Variants in ANKRD28 observed in about 807,000 individuals in gnomAD.
ANKRD28 encodes serine/threonine-protein phosphatase 6 regulatory ankyrin repeat subunit A.
In ANKRD28, 44 loss-of-function variants were observed where a neutral mutation model predicts 126.5. The ratio of observed to expected loss-of-function variants is 0.35; its 90% CI spans 0.27 to 0.45. The LOEUF is 0.45. Ranked by LOEUF, ANKRD28 falls within the 20% of genes least tolerant of loss-of-function variation. ANKRD28 has a pLI of 1.00. For missense variants in ANKRD28, 1,110 were observed against 1,316.6 expected (o/e 0.84, Z 2.43); for synonymous variants, 442 against 468.5 (o/e 0.94, Z 0.73).
rs1017443625 is a variant in ANKRD28, at chr3:15,853,462, A to G, written c.27+5915T>C. Among the ~76,000 whole-genome samples, 1 of 151,816 alleles carries G rather than the reference A, an allele frequency of 6.6e-6. No individual in the cohort carries two copies. Among genetic ancestry groups the G allele is most frequent in the African/African-American group, 2.4e-5 (1 of 41,338 alleles). On this transcript the variant is annotated intron_variant, in intron 1 of 27. Coordinates refer to the ANKRD28 transcript ENST00000399451. This position sits in a 1 kb window ranked among gnomAD's most constrained non-coding sequence, Gnocchi z 4.2. ...CTTTAACTACCATAATCAATGTTTT[A>G]TGGTTTTTTTTGTTTTTTTGTTTTT...
intron 27 of ANKRD28, 118 bp from the exon 28 acceptor site, chr3:15,670,674 T>C: frequency 2.9e-6 from 3 of 1,040,636 alleles, no homozygotes; most frequent in Non-Finnish European, 4.1e-6. Flanking sequence ...TAGCTTATAA[T>C]AAATTGCTGT....
chr3:15,727,132 C>T (rs1448209003), intron 6 of ANKRD28, among the ~76,000 whole-genome samples: 1 of 152,196 alleles, frequency 6.6e-6, no homozygotes, highest in Non-Finnish European at 1.5e-5. Context: ...ACAATAGTCA[C>T]TCTGTTGTCC....
chr3:15,798,588 T>C (rs911717658), upstream of ANKRD28, among the ~76,000 whole-genome samples: 4 of 152,020 alleles, frequency 2.6e-5, no homozygotes, highest in Non-Finnish European at 5.9e-5. Context: ...AATAAAATAA[T>C]CCTACCTTCC....
intron 3 of ANKRD28, among the ~76,000 whole-genome samples, chr3:15,764,170 G>A (rs918423267): frequency 1.3e-5 from 2 of 152,144 alleles, no homozygotes; most frequent in Non-Finnish European, 2.9e-5. Context: ...ACTGAGCTGA[G>A]ATTGTGCCAC....
intron 1 of ANKRD28, among the ~76,000 whole-genome samples, chr3:15,820,940 T>C (rs2060929883): frequency 1.3e-5 from 2 of 152,164 alleles, no homozygotes; most frequent in African/African-American, 2.4e-5. Context: ...AATACATATA[T>C]GAACCAATTT....
At position 15,720,984 on chromosome 3, in the gene ANKRD28, A is replaced by C. The variant is rs1207989258; in HGVS notation, c.927T>G (p.Ala309=). 6.2e-7 allele frequency: 1 copy of C among 1,613,862 alleles called. No individual in the cohort carries two copies. Among genetic ancestry groups the C allele is most frequent in the African/African-American group, 1.3e-5 (1 of 74,948 alleles). The change falls in exon 8 of 28, where the codon GCT becomes GCG. Residue 309 remains alanine, a synonymous_variant. Transcript: ENST00000683139. ...NEKGFTPLHF[A]AASTHGALCL... ...ACAATGCTCCATGTGTTGATGCAGC[A>C]GCAAAGTGCAAAGGAGTAAATCCTT...
intron 1 of ANKRD28, among the ~76,000 whole-genome samples, chr3:15,850,259 A>AGAGAGAGAGAGAGAGAGAGG (rs1370551633): frequency 8.6e-6 from 1 of 115,740 alleles, no homozygotes; most frequent in Non-Finnish European, 1.7e-5. Flanking sequence ...AGAGAGAGAG[A>AGAGAGAGAGAGAGAGAGAGG]GAGAAAGTTG....
intron 2 of ANKRD28, among the ~76,000 whole-genome samples, chr3:15,777,989 TTTTCTTTATATTCATTCGCTTCTA>T (rs2059376614): frequency 2.0e-5 from 3 of 152,080 alleles, no homozygotes; most frequent in Admixed American, 6.6e-5. Flanking sequence ...AGGGGCTATG[TTTTCTTTATATTCATTCGCTTCTA>T]ACACTTAGTA....
chr3:15,764,329 A>C (rs1476128312), intron 3 of ANKRD28, among the ~76,000 whole-genome samples: 1 of 152,252 alleles, frequency 6.6e-6, no homozygotes, highest in Admixed American at 6.5e-5. Flanking sequence ...GAAGAAACTA[A>C]GCATTCTCTC....
At position 15,827,971 on chromosome 3, in the gene ANKRD28, T is replaced by C. The variant is rs182065873; in HGVS notation, c.27+31406A>G. ...ATGGCCAATCAACAACATGAAAAGA[T>C]GTTCAACATCACAAATCATTAGGGA... is the stretch of plus-strand genomic sequence containing the variant. On this transcript the variant is annotated intron_variant, in intron 1 of 27. Transcript: ENST00000399451. Among the ~76,000 whole-genome samples the C allele has an allele frequency of 2.4e-3, 368 of 152,252 alleles. 7 individuals are homozygous for C. Among genetic ancestry groups the C allele is most frequent in the South Asian group, 2.9e-3 (14 of 4,824 alleles).
intron 2 of ANKRD28, among the ~76,000 whole-genome samples, chr3:15,784,174 T>C (rs1215680166): frequency 1.3e-5 from 2 of 151,780 alleles, no homozygotes; most frequent in Non-Finnish European, 2.9e-5. Context: ...AAAAATGTTA[T>C]AGTCAGAAAC....
chr3:15,820,579 C>G (rs969322709), intron 1 of ANKRD28, among the ~76,000 whole-genome samples: 4 of 152,112 alleles, frequency 2.6e-5, no homozygotes, highest in African/African-American at 9.7e-5. Flanking sequence ...CTGTTTAGAT[C>G]TATTCTAACA....
intron 6 of ANKRD28, chr3:15,733,316 G>C (rs2074784688): frequency 6.6e-6 from 1 of 152,360 alleles, no homozygotes; most frequent in Admixed American, 6.5e-5. Context: ...ATGGGGATAA[G>C]CAAGAGTGGG....
At chr3:15,744,473 CTTTTT>C (rs551103706) in intron 4 of ANKRD28, among the ~76,000 whole-genome samples, 1 of 137,246 alleles carries the variant, frequency 7.3e-6, no homozygotes, top group Non-Finnish European at 1.6e-5. Context: ...CCAAACCTGG[CTTTTT>C]TTTTTTTTTT....
intron 1 of ANKRD28, among the ~76,000 whole-genome samples, chr3:15,810,169 G>C (rs1263671248): frequency 1.3e-5 from 2 of 152,082 alleles, no homozygotes; most frequent in South Asian, 4.1e-4. Flanking sequence ...TAAAAATAAG[G>C]TGATACTAAA....
intron 17 of ANKRD28, among the ~76,000 whole-genome samples, chr3:15,692,801 A>G (rs2068982156): frequency 6.6e-6 from 1 of 152,262 alleles, no homozygotes; most frequent in South Asian, 2.1e-4. Context: ...TAAAAACACT[A>G]TTTAGTATAC....
At chr3:15,772,084 T>C (rs2059040947) in intron 2 of ANKRD28, among the ~76,000 whole-genome samples, 2 of 152,002 alleles carry the variant, frequency 1.3e-5, no homozygotes, top group African/African-American at 4.8e-5. Context: ...GTTAAAGCAA[T>C]AGAGAGCAAT....
chr3:15,727,568 A>C (rs2074265147), intron 6 of ANKRD28, among the ~76,000 whole-genome samples: 1 of 49,364 alleles, frequency 2.0e-5, no homozygotes, highest in Non-Finnish European at 7.2e-5. Flanking sequence ...CTCTGTCAAA[A>C]AAAAAAAAAA....
chr3:15,767,373 T>C (rs2058787757), intron 2 of ANKRD28, among the ~76,000 whole-genome samples: 1 of 152,192 alleles, frequency 6.6e-6, no homozygotes, highest in African/African-American at 2.4e-5. Flanking sequence ...TAAAGGCTTT[T>C]GTGACAGATA....
Sources: allele counts gnomAD v4.1 joint callset (sites outside exome capture counted in the v4.1 genomes callset), GRCh38; gene constraint gnomAD v4.1.1; non-coding constraint Gnocchi (gnomAD v3.1); transcripts MANE v1.5; gene names NCBI Gene and HGNC (gene_info 2026-07-23, HGNC 2026-07-21).